SENP7: variants seen among roughly 807,000 people sequenced by gnomAD.
The protein encoded by SENP7 is SUMO specific peptidase 7, also known as sentrin-specific protease 7.
SENP7 carries 64 observed loss-of-function variants against 141.2 expected under a neutral mutation model. That is an observed-to-expected ratio of 0.45 (90% CI 0.37 to 0.56). The LOEUF is 0.56. Among genes scored for constraint, SENP7 ranks in the 20% least tolerant of loss-of-function variants. SENP7 has a pLI of 0.00. For synonymous variants in SENP7, 382 were observed against 426.4 expected (o/e 0.90, Z 1.28); for missense variants, 1,025 against 1,212.2 (o/e 0.85, Z 2.29).
chr3:101,431,708 C>T (rs936483039), intron 4 of SENP7, among the ~76,000 whole-genome samples: 3 of 151,708 alleles, frequency 2.0e-5, no homozygotes, highest in Middle Eastern at 3.4e-3. Flanking sequence ...CGCTTGAACC[C>T]GGGAGGCAGA....
intron 12 of SENP7, 87 bp from the exon 13 acceptor site, chr3:101,348,138 TAC>T (rs1314306046): frequency 1.6e-5 from 13 of 799,278 alleles, no homozygotes; most frequent in Non-Finnish European, 2.2e-5. Flanking sequence ...GTTAATACAC[TAC>T]TTTTTTTAAA....
chr3:101,403,447 T>C (rs1373132617), intron 5 of SENP7, among the ~76,000 whole-genome samples: 1 of 152,220 alleles, frequency 6.6e-6, no homozygotes, highest in Non-Finnish European at 1.5e-5. Flanking sequence ...AAAAGTTAAA[T>C]AAGCTGCCCA....
intron 1 of SENP7, 106 bp downstream of exon 1, chr3:101,512,985 G>A: frequency 9.3e-7 from 1 of 1,080,986 alleles, no homozygotes; most frequent in Non-Finnish European, 1.4e-6. Context: ...CCCCGCCCCC[G>A]CCCTCGCCCC....
chr3:101,466,091 A>G (rs2063749247), intron 3 of SENP7, among the ~76,000 whole-genome samples: 1 of 152,178 alleles, frequency 6.6e-6, no homozygotes, highest in Admixed American at 6.5e-5. Context: ...ATAACAGTAA[A>G]AAACAACTTT....
At chr3:101,463,400 T>TATATATATATATATAC (rs60569501) in intron 3 of SENP7, among the ~76,000 whole-genome samples, 1 of 77,988 alleles carries the variant, frequency 1.3e-5, no homozygotes, top group Non-Finnish European at 2.4e-5. Context: ...TATATATACA[T>TATATATATATATATAC]ATATATATAT....
chr3:101,479,618 AG>A (rs1415830069), intron 3 of SENP7, among the ~76,000 whole-genome samples: 185 of 150,846 alleles, frequency 1.2e-3, no homozygotes, highest in African/African-American at 4.3e-3. Flanking sequence ...AAAAAAAAAA[AG>A]AAAGACTCAG....
intron 5 of SENP7, among the ~76,000 whole-genome samples, chr3:101,405,079 T>C (rs1423389919): frequency 6.6e-6 from 1 of 151,938 alleles, no homozygotes; most frequent in East Asian, 1.9e-4. Context: ...CAGAGCAGCA[T>C]GTGGAAGCTC....
chr3:101,463,398 C>CATATATAT (rs1257100584), intron 3 of SENP7, among the ~76,000 whole-genome samples: 1 of 58,712 alleles, frequency 1.7e-5, no homozygotes, highest in East Asian at 5.3e-4. Flanking sequence ...TATATATATA[C>CATATATAT]ATATATATAT....
intron 4 of SENP7, chr3:101,457,252 C>T: frequency 1.3e-6 from 2 of 1,585,008 alleles, no homozygotes; most frequent in Admixed American, 1.7e-5. Context: ...CAGTTTGCCT[C>T]ATTCTTGGAA....
intron 5 of SENP7, among the ~76,000 whole-genome samples, chr3:101,410,844 C>CT (rs2061435639): frequency 4.4e-5 from 1 of 22,768 alleles, no homozygotes; most frequent in Admixed American, 6.3e-4. Flanking sequence ...GATTCTGTCT[C>CT]AAAAATAAAA....
chr3:101,383,076 A>T (rs2060549343), intron 6 of SENP7, among the ~76,000 whole-genome samples: 1 of 152,194 alleles, frequency 6.6e-6, no homozygotes, highest in South Asian at 2.1e-4. Context: ...TCCCTGACCA[A>T]ATCTCATAGT....
At chr3:101,479,404 T>G (rs938425181) in intron 3 of SENP7, among the ~76,000 whole-genome samples, 1 of 152,128 alleles carries the variant, frequency 6.6e-6, no homozygotes, top group Non-Finnish European at 1.5e-5. Context: ...AAGACCAGCC[T>G]GAGCAACATG....
chr3:101,506,649 G>A (rs9290402), intron 1 of SENP7, among the ~76,000 whole-genome samples: 60,372 of 151,954 alleles, frequency 0.4, 12,503 homozygotes, highest in Admixed American at 0.54. Context: ...AATATATGAT[G>A]GAATCTGATA....
At chr3:101,436,843 T>G (rs1392690839) in intron 4 of SENP7, among the ~76,000 whole-genome samples, 1 of 152,212 alleles carries the variant, frequency 6.6e-6, no homozygotes, top group Non-Finnish European at 1.5e-5. Context: ...TGTAAATTAA[T>G]ATAACCACTA....
chr3:101,446,249 C>G (rs1392973640), intron 4 of SENP7, among the ~76,000 whole-genome samples: 1 of 152,200 alleles, frequency 6.6e-6, no homozygotes, highest in Non-Finnish European at 1.5e-5. Flanking sequence ...GAAGCCTGGA[C>G]AGCCTGCAGA....
At position 101,437,724 on chromosome 3, in the gene SENP7, A is replaced by T. The variant is rs547105849; in HGVS notation, c.285-19934T>A. 7.2e-5 allele frequency among the ~76,000 whole-genome samples: 11 copies of T among 152,242 alleles called. 1 individual carries two copies. The South Asian group carries it at 2.3e-3, about 32-fold the overall frequency. On this transcript the variant is annotated intron_variant, in intron 4 of 23. Coordinates refer to ENST00000394095, the MANE Select transcript of SENP7 (RefSeq NM_020654.5). The stretch of plus-strand genomic sequence containing the variant: ...AGACCCAGTCTCAAAAAAAGAAAAA[A>T]TATCCTAAAACTCAACAATAAAAAA...
chr3:101,372,559 A>T (rs1047138852), intron 6 of SENP7, among the ~76,000 whole-genome samples: 5 of 152,150 alleles, frequency 3.3e-5, no homozygotes, highest in Admixed American at 1.3e-4. Flanking sequence ...ACAAATTTTC[A>T]GTAGTATGTG....
At chr3:101,414,810 A>G (rs1413962976) in intron 5 of SENP7, among the ~76,000 whole-genome samples, 1 of 152,214 alleles carries the variant, frequency 6.6e-6, no homozygotes, top group Non-Finnish European at 1.5e-5. Context: ...GTCCTAAAAC[A>G]TGAAATGGAA....
At chr3:101,455,537 T>C (rs752765386) in intron 4 of SENP7, among the ~76,000 whole-genome samples, 1 of 152,040 alleles carries the variant, frequency 6.6e-6, no homozygotes, top group Non-Finnish European at 1.5e-5. Flanking sequence ...ATAATTTGAT[T>C]TAAAAAAAAA....
Sources: allele counts gnomAD v4.1 joint callset (sites outside exome capture counted in the v4.1 genomes callset), GRCh38; gene constraint gnomAD v4.1.1; transcripts MANE v1.5; gene names NCBI Gene and HGNC (gene_info 2026-07-23, HGNC 2026-07-21).